NMRAL1: variants seen among roughly 807,000 people sequenced by gnomAD.
NMRAL1 encodes nmrA-like family domain-containing protein 1.
NMRAL1 carries 32 observed loss-of-function variants against 27.5 expected under a neutral mutation model. That is an observed-to-expected ratio of 1.16 (90% confidence interval 0.88 to 1.56). The LOEUF (loss-of-function observed/expected upper bound fraction) is 1.56. Among genes scored for constraint, NMRAL1 ranks in the 40% most tolerant of loss-of-function variants. The pLI is 0.00. For synonymous variants in NMRAL1, 166 were observed against 166.8 expected, an observed-to-expected ratio of 1.00 and a Z score of 0.04; for missense variants, 420 against 392.0, an observed-to-expected ratio of 1.07 and a Z score of -0.60.
intron 5 of NMRAL1, chr16:4,463,357 TTTCTC>T (rs2057183797): frequency 2.1e-6 from 1 of 467,112 alleles, no homozygotes; most frequent in Non-Finnish European, 3.7e-6. Flanking sequence ...TCCAGACTCT[TTTCTC>T]TTCAAATTCC....
Position 4,469,375 on chromosome 16 carries a change from G to A in NMRAL1, c.131C>T (p.Ala44Val). Residue 44 changes from alanine to valine, a missense_variant, in exon 3 of 6, where the codon GCA (alanine) becomes GTA (valine). Coordinates refer to ENST00000283429, the MANE Select transcript of NMRAL1 (RefSeq NM_020677.6). ...TGCACCTTGCAGCCTCAGCTCCTTTGCTGCCTTCTTCCTAGGGTTTCGGGT... is the reference window on the plus strand; with the variant it reads ...TGCACCTTGCAGCCTCAGCTCCTTTACTGCCTTCTTCCTAGGGTTTCGGGT... ...VVTRNPRKKAAKELRLQGAEV... is the reference protein window; with the variant it reads ...VVTRNPRKKAVKELRLQGAEV... 8 of 1,614,122 alleles carry A rather than the reference G, an allele frequency of 5.0e-6. No homozygotes were observed. Among genetic ancestry groups the A allele is most frequent in the South Asian group, 1.1e-5 (1 of 91,086 alleles).
At chr16:4,468,214 A>G (rs2057403783) in intron 3 of NMRAL1, among the ~76,000 whole-genome samples, 1 of 152,186 alleles carries the variant, frequency 6.6e-6, no homozygotes, top group Non-Finnish European at 1.5e-5. Flanking sequence ...GGGCAGGAGA[A>G]TAACTTGAAC....
Position 4,461,919 on chromosome 16 carries a change from G to A in NMRAL1, c.761C>T (p.Ala254Val), listed in dbSNP as rs765777318. 9.3e-6 allele frequency: 15 copies of A among 1,614,004 alleles called. No homozygotes were observed. Among genetic ancestry groups the A allele is most frequent in the South Asian group, 8.8e-5 (8 of 91,082 alleles). The change falls in exon 6 of 6, where the codon GCC becomes GTC. Residue 254 changes from alanine to valine, a missense_variant. Ala to Val is a moderately conservative substitution (Grantham distance 64). Coordinates refer to ENST00000283429, the MANE Select transcript of NMRAL1 (RefSeq NM_020677.6). ...EDYEKLGFPG[A>V]RDLANMFRFY... ...ACGGAACATGTTGGCCAGGTCCCGG[G>A]CACCGGGAAAGCCAAGCTTTTCGTA...
rs769380547 is a variant in NMRAL1, at chr16:4,466,341, A to C, written c.341T>G (p.Leu114Arg). 1 of 1,613,822 alleles carries C rather than the reference A, an allele frequency of 6.2e-7. No individual in the cohort carries two copies. Among genetic ancestry groups the C allele is most frequent in the Admixed American group, 1.7e-5 (1 of 60,006 alleles). Residue 114 changes from leucine to arginine, a missense_variant, in exon 4 of 6, where the codon CTG becomes CGG. Coordinates refer to ENST00000283429, the MANE Select transcript of NMRAL1 (RefSeq NM_020677.6). ...LGLHYVVYSGLENIKKLTAGR... is the reference protein window; with the variant it reads ...LGLHYVVYSGRENIKKLTAGR... ...TGCCGTCAGCTTCTTGATGTTCTCC[A>C]GGCCGCTGTAGACCACATAGTGGAG...
chr16:4,466,406 G>T lies in NMRAL1; in HGVS notation c.280-4C>A. ...CCAGATCAGCGAGCAGCTTCCCCTG[G>T]AGGGCAGGGAAGGAGAGATCACAAG... On this transcript the variant is annotated splice_polypyrimidine_tract_variant and splice_region_variant and intron_variant, in intron 3 of 5. Coordinates refer to ENST00000283429, the MANE Select transcript of NMRAL1 (RefSeq NM_020677.6). The T allele has an allele frequency of 6.2e-7, 1 of 1,611,078 alleles. No homozygotes were observed. Among genetic ancestry groups the T allele is most frequent in the Non-Finnish European group, 8.5e-7 (1 of 1,179,156 alleles).
intron 3 of NMRAL1, 140 bp downstream of exon 3, chr16:4,469,087 T>C (rs2057446701): frequency 1.5e-6 from 1 of 663,014 alleles, no homozygotes; most frequent in African/African-American, 1.8e-5. Flanking sequence ...GTCCACCTGC[T>C]TCACAGCCTA....
upstream of NMRAL1, among the ~76,000 whole-genome samples, chr16:4,475,443 G>T (rs1668496097): frequency 6.6e-6 from 1 of 151,646 alleles, no homozygotes; most frequent in Admixed American, 6.6e-5. Context: ...GAGTAGCTGG[G>T]ATTACAGGCA....
At position 4,464,804 on chromosome 16, in the gene NMRAL1, CAG is replaced by C. The variant is rs567827807; in HGVS notation, c.530-956_530-955del. 4.0e-3 allele frequency among the ~76,000 whole-genome samples: 603 copies of C among 151,474 alleles called. 2 individuals carry two copies. The highest frequency in any genetic ancestry group is 7.2e-3 in the Non-Finnish European group (489 of 67,840). On this transcript the variant is annotated intron_variant, in intron 4 of 5. Transcript: ENST00000283429. ...TAAGTTTTTGTATTTTTAGTAGAGA[CAG>C]GGGTTTCACCAAGTTAGCCATGATG...
rs773295242 is a variant in NMRAL1, at chr16:4,461,825, C to T, written c.855G>A (p.Leu285=). 3 of 1,614,186 alleles carry T rather than the reference C, an allele frequency of 1.9e-6. No individual in the cohort carries two copies. The highest frequency in any genetic ancestry group is 2.5e-6 in the Non-Finnish European group (3 of 1,180,020). ...CTTTGTGCTGTTCCAGCCACTGGTC[C>T]AGCGTCAGGGCCTTGGGGTTGAGTC... The part of the protein sequence containing the change: ...TLRLNPKALT[L]DQWLEQHKGD... The change falls in exon 6 of 6, where the codon CTG becomes CTA. Residue 285 remains leucine (L), a synonymous_variant. Coordinates refer to ENST00000283429, the MANE Select transcript of NMRAL1 (RefSeq NM_020677.6).
chr16:4,461,792 G>A lies in NMRAL1; in HGVS notation c.888C>T (p.Phe296=). The A allele has an allele frequency of 6.2e-7, 1 of 1,612,356 alleles. No homozygotes were observed. The change falls in exon 6 of 6, where the codon TTC becomes TTT. Residue 296 remains phenylalanine (F), a synonymous_variant. Transcript: ENST00000283429. ...DQWLEQHKGD[F]NLL ...CGAGGCGGGCAGGTCACAGCAGGTT[G>A]AAGTCCCCTTTGTGCTGTTCCAGCC...
chr16:4,474,469 C>T (rs2057749833), intron 1 of NMRAL1, 85 bp downstream of exon 1: 1 of 301,268 alleles, frequency 3.3e-6, no homozygotes, highest in Admixed American at 4.8e-5. Context: ...GCCCGGGACC[C>T]CGATTCTGCG....
At chr16:4,474,533 T>G (rs1038569318) in intron 1 of NMRAL1, 21 bp downstream of exon 1, 15 of 167,630 alleles carry the variant, frequency 8.9e-5, no homozygotes, top group Non-Finnish European at 1.9e-4. Flanking sequence ...GCCAACTCCC[T>G]CCCCGCAGCT....
intron 4 of NMRAL1, among the ~76,000 whole-genome samples, chr16:4,464,488 G>A (rs2057237807): frequency 6.6e-6 from 1 of 151,952 alleles, no homozygotes; most frequent in African/African-American, 2.4e-5. Flanking sequence ...GTGGCCTGTG[G>A]AATGCTTGGG....
At chr16:4,464,122 A>C (rs2057223073) in intron 4 of NMRAL1, 1 of 519,106 alleles carries the variant, frequency 1.9e-6, no homozygotes, top group Non-Finnish European at 3.4e-6. Flanking sequence ...GAATGGGGCT[A>C]AGAACCTGGG....
upstream of NMRAL1, among the ~76,000 whole-genome samples, chr16:4,475,282 G>A (rs147765960): frequency 6.6e-6 from 1 of 150,970 alleles, no homozygotes; most frequent in African/African-American, 2.4e-5. Context: ...GCTGCTACTT[G>A]CACTGATTTC....
chr16:4,466,067 C>CTT, intron 4 of NMRAL1, 86 bp downstream of exon 4: 2 of 1,529,886 alleles, frequency 1.3e-6, no homozygotes, highest in Non-Finnish European at 1.8e-6. Context: ...AACCTGGCAC[C>CTT]ACGTGACAGC....
chr16:4,466,249 C>G lies in NMRAL1; in HGVS notation c.433G>C (p.Val145Leu). 1 of 1,614,122 alleles carries G rather than the reference C, an allele frequency of 6.2e-7. No homozygotes were observed. The highest frequency in any genetic ancestry group is 8.5e-7 in the Non-Finnish European group (1 of 1,180,020). Residue 145 changes from valine to leucine, a missense_variant, in exon 4 of 6, where the codon GTT becomes CTT. Val to Leu is a conservative substitution (Grantham distance 32, BLOSUM62 1). Transcript: ENST00000283429. ...EVEEYFRDIG[V>L]PMTSVRLPCY... ...GGCAGCCGCACACTGGTCATGGGAACGCCAATGTCCCGGAAATATTCCTCC... is the reference window on the plus strand; with the variant it reads ...GGCAGCCGCACACTGGTCATGGGAAGGCCAATGTCCCGGAAATATTCCTCC...
intron 4 of NMRAL1, chr16:4,464,151 C>A: frequency 2.1e-6 from 1 of 468,516 alleles, no homozygotes; most frequent in Non-Finnish European, 3.8e-6. Context: ...GCTCTCTCAG[C>A]GCTAGGATGA....
intron 2 of NMRAL1, among the ~76,000 whole-genome samples, chr16:4,470,740 G>A (rs1207286163): frequency 1.3e-5 from 2 of 151,962 alleles, no homozygotes; most frequent in Non-Finnish European, 2.9e-5. Flanking sequence ...GAGGTCAGGA[G>A]ATCGAGACCA....
Sources: allele counts gnomAD v4.1 joint callset (sites outside exome capture counted in the v4.1 genomes callset), GRCh38; gene constraint gnomAD v4.1.1; transcripts MANE v1.5; gene names NCBI Gene and HGNC (gene_info 2026-07-23, HGNC 2026-07-21).